Variants in SCFD1 observed in about 807,000 individuals in gnomAD.
SCFD1 encodes the protein sec1 family domain containing 1.
In SCFD1, 37 loss-of-function variants were observed where a neutral mutation model predicts 103.2. The ratio of observed to expected loss-of-function variants is 0.36; its 90% CI spans 0.28 to 0.47. The LOEUF (loss-of-function observed/expected upper bound fraction) is 0.47. SCFD1 is among the 20% of genes least tolerant of loss of function. SCFD1 has a pLI of 1.00. For missense variants in SCFD1, 639 were observed against 761.2 expected (o/e 0.84, Z 1.89); for synonymous variants, 264 against 245.0 (o/e 1.08, Z -0.73).
chr14:30,735,751 A>T lies in SCFD1; in HGVS notation c.*142A>T, dbSNP rs1258542234. 1 of 580,494 alleles carries T rather than the reference A, an allele frequency of 1.7e-6. No individual in the cohort carries two copies. 36.0% of individuals were successfully genotyped at this position (580,494 alleles called of 1,614,324 possible). A position where few individuals can be genotyped will look rare whatever the true frequency, so the allele number is the denominator to read the frequency against. On this transcript the variant is annotated 3_prime_UTR_variant, in exon 25 of 25. Coordinates refer to ENST00000458591, the MANE Select transcript of SCFD1 (RefSeq NM_016106.4). The stretch of plus-strand genomic sequence containing the variant: ...GAGTTATTTGTTAATTTTTAAGGAA[A>T]TTATATACTTAATATGTATTGATTA...
chr14:30,664,621 G>C (rs868513442), intron 10 of SCFD1, among the ~76,000 whole-genome samples: 7 of 151,946 alleles, frequency 4.6e-5, no homozygotes, highest in African/African-American at 1.7e-4. Flanking sequence ...TGTTTGAACC[G>C]GTCACAAGGA....
chr14:30,647,755 A>G (rs879463345), intron 7 of SCFD1, among the ~76,000 whole-genome samples: 12 of 152,102 alleles, frequency 7.9e-5, no homozygotes, highest in Non-Finnish European at 1.2e-4. Context: ...GGTTCAAGCG[A>G]TTCTCCTGCC....
At chr14:30,698,433 A>G (rs1201982566) in intron 15 of SCFD1, among the ~76,000 whole-genome samples, 2 of 152,186 alleles carry the variant, frequency 1.3e-5, no homozygotes, top group African/African-American at 4.8e-5. Context: ...GTTTTAAAGT[A>G]TGTTTCCTCT....
intron 6 of SCFD1, among the ~76,000 whole-genome samples, chr14:30,640,264 G>C (rs906213107): frequency 1.3e-5 from 2 of 152,158 alleles, no homozygotes; most frequent in African/African-American, 2.4e-5. Flanking sequence ...TAAGCTCCCT[G>C]AGAGAAGAGA....
At chr14:30,694,488 A>G (rs566799709) in intron 14 of SCFD1, among the ~76,000 whole-genome samples, 8 of 152,050 alleles carry the variant, frequency 5.3e-5, no homozygotes, top group Non-Finnish European at 1.2e-4. Context: ...CCTGCACAAC[A>G]TAGCAAAACC....
At chr14:30,658,068 A>G (rs1284863695) in intron 10 of SCFD1, 1 of 454,572 alleles carries the variant, frequency 2.2e-6, no homozygotes. Context: ...CTTTTTTATT[A>G]TATCTTGGTT....
At chr14:30,673,647 G>A (rs117707826) in intron 12 of SCFD1, among the ~76,000 whole-genome samples, 2,903 of 152,230 alleles carry the variant, frequency 0.019, 51 homozygotes, top group Middle Eastern at 0.034. Flanking sequence ...ATTGCTGTGT[G>A]ACCTATGGCA....
chr14:30,716,458 A>G (rs148079348), intron 20 of SCFD1, among the ~76,000 whole-genome samples: 91 of 152,322 alleles, frequency 6.0e-4, no homozygotes, highest in Middle Eastern at 3.4e-3. Flanking sequence ...GAATAGACAA[A>G]TGGGTCAATA....
intron 7 of SCFD1, among the ~76,000 whole-genome samples, chr14:30,647,631 G>A (rs368039158): frequency 1.4e-4 from 21 of 152,072 alleles, no homozygotes; most frequent in Admixed American, 1.2e-3. Context: ...GAAAGTACAC[G>A]TATACAACTT....
intron 2 of SCFD1, among the ~76,000 whole-genome samples, chr14:30,630,265 A>G (rs887955945): frequency 1.3e-5 from 2 of 152,234 alleles, no homozygotes; most frequent in African/African-American, 4.8e-5. Flanking sequence ...ACAATTCAGT[A>G]TATATGATGT....
intron 19 of SCFD1, chr14:30,715,271 G>A (rs572093750): frequency 6.6e-6 from 1 of 152,082 alleles, no homozygotes; most frequent in Admixed American, 6.5e-5. Context: ...TCCACAGAGA[G>A]GAAATGAAAA....
intron 23 of SCFD1, among the ~76,000 whole-genome samples, chr14:30,727,169 C>T (rs1893103111): frequency 6.6e-6 from 1 of 152,158 alleles, no homozygotes; most frequent in Non-Finnish European, 1.5e-5. Context: ...CTTCCGCCCA[C>T]AGAAACAAGG....
chr14:30,734,393 T>C (rs2139453909), intron 23 of SCFD1: 1 of 219,438 alleles, frequency 4.6e-6, no homozygotes, highest in African/African-American at 2.3e-5. Context: ...CCATGCCACC[T>C]GCACCATAGC....
intron 14 of SCFD1, among the ~76,000 whole-genome samples, chr14:30,679,751 G>A (rs1320312716): frequency 6.6e-6 from 1 of 151,702 alleles, no homozygotes; most frequent in East Asian, 1.9e-4. Flanking sequence ...TCACATTAGA[G>A]GTCTTTTACT....
chr14:30,733,435 A>C (rs1893623343), intron 23 of SCFD1, among the ~76,000 whole-genome samples: 1 of 152,242 alleles, frequency 6.6e-6, no homozygotes, highest in African/African-American at 2.4e-5. Context: ...CCTACACTTC[A>C]TTGGATGGCT....
intron 10 of SCFD1, among the ~76,000 whole-genome samples, chr14:30,669,033 CA>C (rs1888291420): frequency 6.6e-6 from 1 of 152,094 alleles, no homozygotes; most frequent in Non-Finnish European, 1.5e-5. Flanking sequence ...CCATTTGACC[CA>C]GCAATCCCAT....
chr14:30,702,813 A>G (rs1255420662), intron 17 of SCFD1, among the ~76,000 whole-genome samples: 1 of 152,216 alleles, frequency 6.6e-6, no homozygotes, highest in African/African-American at 2.4e-5. Context: ...TCTGGATGGT[A>G]TAAAGAGTTC....
At chr14:30,660,146 G>T (rs577359432) in intron 10 of SCFD1, among the ~76,000 whole-genome samples, 1 of 152,242 alleles carries the variant, frequency 6.6e-6, no homozygotes, top group South Asian at 2.1e-4. Flanking sequence ...CATGGCATTA[G>T]TTGATATGGC....
At chr14:30,671,304 A>G (rs900474679) in intron 11 of SCFD1, among the ~76,000 whole-genome samples, 34 of 152,144 alleles carry the variant, frequency 2.2e-4, no homozygotes, top group African/African-American at 6.3e-4. Flanking sequence ...CTTTCTCACT[A>G]TGGCAGTTTT....
Sources: allele counts gnomAD v4.1 joint callset (sites outside exome capture counted in the v4.1 genomes callset), GRCh38; gene constraint gnomAD v4.1.1; transcripts MANE v1.5; gene names NCBI Gene and HGNC (gene_info 2026-07-23, HGNC 2026-07-21).